Variants in TMEM39A observed in about 807,000 individuals in gnomAD.
TMEM39A encodes suppressor of SQST-1 aggregates in rpl-43 mutants.
Under a neutral mutation model 51.9 loss-of-function variants are expected in TMEM39A, and 19 were observed. The observed-to-expected ratio is 0.37, with a 90% CI of 0.26 to 0.54. The LOEUF (loss-of-function observed/expected upper bound fraction) is 0.54. TMEM39A is among the 20% of genes least tolerant of loss of function. The probability of loss-of-function intolerance (pLI) is 0.88; values close to 1 mark genes in which losing one functional copy is unlikely to be tolerated. For missense variants in TMEM39A, 433 were observed against 590.5 expected, an observed-to-expected ratio of 0.73 and a Z score of 2.76; for synonymous variants, 197 against 220.2, an observed-to-expected ratio of 0.89 and a Z score of 0.93.
At position 119,447,327 on chromosome 3, in the gene TMEM39A, G is replaced by A. The variant is rs78640482; in HGVS notation, c.421-155C>T. On this transcript the variant is annotated intron_variant, in intron 4 of 8. Transcript: ENST00000319172. ...AACTGCCCCATCCCACCTTATCTTCGTAATAATTGAAAATTCAGACTTCTC... is the reference window on the plus strand; with the variant it reads ...AACTGCCCCATCCCACCTTATCTTCATAATAATTGAAAATTCAGACTTCTC... Among the ~76,000 whole-genome samples the A allele has an allele frequency of 8.2e-3, 1,254 of 152,234 alleles. 21 individuals are homozygous for A. The highest frequency in any genetic ancestry group is 0.072 in the South Asian group (346 of 4,824).
intron 4 of TMEM39A, among the ~76,000 whole-genome samples, chr3:119,452,138 C>T (rs1044575331): frequency 2.6e-5 from 4 of 152,238 alleles, no homozygotes; most frequent in Admixed American, 2.0e-4. Context: ...GATAACACTT[C>T]GTATTAATAG....
chr3:119,438,606 C>G (rs2081008147), intron 5 of TMEM39A, among the ~76,000 whole-genome samples: 1 of 152,114 alleles, frequency 6.6e-6, no homozygotes, highest in South Asian at 2.1e-4. Flanking sequence ...CAATAGTATT[C>G]TCATATAGAA....
At chr3:119,455,415 C>T (rs2081251160) in intron 3 of TMEM39A, among the ~76,000 whole-genome samples, 1 of 152,222 alleles carries the variant, frequency 6.6e-6, no homozygotes, top group South Asian at 2.1e-4. Context: ...GATAAGTGAG[C>T]CAATCTACTC....
Position 119,463,339 on chromosome 3 carries a change from T to A in TMEM39A, c.-78A>T, listed in dbSNP as rs1468279502. Reference sequence around the variant, plus strand: ...GGGGCAGCTCAGTAATACTCACGCATGGAAGAGTCCCAGCCGGTGGGGCGG... The same window carrying A: ...GGGGCAGCTCAGTAATACTCACGCAAGGAAGAGTCCCAGCCGGTGGGGCGG... On this transcript the variant is annotated 5_prime_UTR_variant, in exon 1 of 9. It removes an upstream start codon present in the reference 5' UTR. Transcript: ENST00000319172. 1 of 366,930 alleles carries A rather than the reference T, an allele frequency of 2.7e-6. No homozygotes were observed. The highest frequency in any genetic ancestry group is 1.5e-4 in the South Asian group (1 of 6,694). The allele number at this position is 366,930 out of a possible 1,614,324, so 22.7% of individuals were successfully genotyped here.
intron 5 of TMEM39A, among the ~76,000 whole-genome samples, chr3:119,444,723 A>G (rs1203677854): frequency 1.3e-5 from 2 of 152,184 alleles, no homozygotes; most frequent in African/African-American, 2.4e-5. Flanking sequence ...CCTACTTTCC[A>G]GTTTCTATTT....
chr3:119,435,274 A>G, intron 7 of TMEM39A: 3 of 985,448 alleles, frequency 3.0e-6, no homozygotes, highest in Non-Finnish European at 3.6e-6. Flanking sequence ...GCTGATGGTA[A>G]TAAGAATAGT....
At position 119,452,478 on chromosome 3, in the gene TMEM39A, G is replaced by A. The variant is rs138208227; in HGVS notation, c.389C>T (p.Ala130Val). 8 of 1,613,398 alleles carry A rather than the reference G, an allele frequency of 5.0e-6. No homozygotes were observed. The highest frequency in any genetic ancestry group is 4.5e-5 in the East Asian group (2 of 44,848). Reference sequence around the variant, plus strand: ...GATGAGAGCCCATACAAGCCTCCTCGCAAGCATCACTGTGATGAATGCTGC... The same window carrying A: ...GATGAGAGCCCATACAAGCCTCCTCACAAGCATCACTGTGATGAATGCTGC... The part of the protein sequence containing the change: ...HLAAFITVML[A>V]RRLVWALISE... Residue 130 changes from alanine to valine, a missense_variant, in exon 4 of 9, where the codon GCG becomes GTG. By Grantham distance (64) the Ala-to-Val change is moderately conservative. This residue lies in a region of TMEM39A where 170 missense variants were observed against 239.8 expected (regional missense o/e 0.71). Transcript: ENST00000319172.
intron 5 of TMEM39A, among the ~76,000 whole-genome samples, chr3:119,438,614 G>A (rs1483836937): frequency 1.3e-5 from 2 of 152,036 alleles, no homozygotes; most frequent in East Asian, 3.8e-4. Flanking sequence ...TTCTCATATA[G>A]AAATACCATA....
intron 5 of TMEM39A, among the ~76,000 whole-genome samples, chr3:119,446,026 A>ATACTATATACACAT (rs1393910503): frequency 2.6e-5 from 4 of 152,178 alleles, no homozygotes; most frequent in African/African-American, 9.7e-5. Context: ...GTTTTTTCCT[A>ATACTATATACACAT]TACTATATAC....
At chr3:119,442,706 A>T (rs2081071154) in intron 5 of TMEM39A, among the ~76,000 whole-genome samples, 1 of 152,188 alleles carries the variant, frequency 6.6e-6, no homozygotes, top group Non-Finnish European at 1.5e-5. Context: ...GAGAGGTTCA[A>T]GACTTCACTG....
intron 2 of TMEM39A, 37 bp downstream of exon 2, chr3:119,461,925 G>A: frequency 6.7e-7 from 1 of 1,488,614 alleles, no homozygotes; most frequent in Non-Finnish European, 9.3e-7. Flanking sequence ...CTGATCAAAG[G>A]ACATTAAAAT....
At chr3:119,446,268 T>C (rs897897396) in intron 5 of TMEM39A, among the ~76,000 whole-genome samples, 2 of 152,220 alleles carry the variant, frequency 1.3e-5, no homozygotes, top group Non-Finnish European at 2.9e-5. Context: ...ACCTGAATTG[T>C]GAGCATAACT....
chr3:119,451,244 T>C, intron 4 of TMEM39A: 1 of 1,285,594 alleles, frequency 7.8e-7, no homozygotes, highest in Non-Finnish European at 1.0e-6. Flanking sequence ...GGTTTTCAGA[T>C]CTTGACTTAG....
intron 2 of TMEM39A, among the ~76,000 whole-genome samples, chr3:119,461,527 T>A (rs1379757912): frequency 6.6e-6 from 1 of 152,236 alleles, no homozygotes; most frequent in Non-Finnish European, 1.5e-5. Flanking sequence ...CCTGATGGCA[T>A]GGGCTAACCC....
intron 8 of TMEM39A, among the ~76,000 whole-genome samples, chr3:119,433,844 C>A (rs2080931282): frequency 6.6e-6 from 1 of 152,186 alleles, no homozygotes; most frequent in Non-Finnish European, 1.5e-5. Context: ...CCCTGCATTC[C>A]CCTACCATGG....
rs377320960 is a variant in TMEM39A at position 119,438,050 on chromosome 3, A to T, written c.629T>A (p.Leu210His). The T allele has an allele frequency of 1.4e-5, 23 of 1,608,382 alleles. No individual in the cohort carries two copies. Among genetic ancestry groups the T allele is most frequent in the East Asian group, 4.5e-5 (2 of 44,702 alleles). ...CACATAGTTGTAGTCTGTGAGAAGA[A>T]GATGTGCTCTACTATCTTGATGAAA... ...CCFHQDSRAH[L>H]LLTDYNYVVQ... The change falls in exon 6 of 9, where the codon CTT (leucine) becomes CAT (histidine). Residue 210 changes from leucine to histidine, a missense_variant. This residue lies in a region of TMEM39A where 40 missense variants were observed against 22.6 expected (regional missense o/e 1.77). Transcript: ENST00000319172.
At chr3:119,438,188 G>A in intron 5 of TMEM39A, 85 bp from the exon 6 acceptor site, 1 of 1,085,444 alleles carries the variant, frequency 9.2e-7, no homozygotes, top group Admixed American at 2.7e-5. Context: ...TTATAACTTA[G>A]GTCAATAAAA....
rs1465677204 is a variant in TMEM39A, at chr3:119,458,194, T to C, written c.160A>G (p.Ile54Val). 1 of 1,614,124 alleles carries C rather than the reference T, an allele frequency of 6.2e-7. No individual in the cohort carries two copies. The highest frequency in any genetic ancestry group is 2.2e-5 in the East Asian group (1 of 44,880). The change falls in exon 3 of 9, where the codon ATC becomes GTC. Residue 54 changes from isoleucine (I) to valine (V), a missense_variant. Ile to Val is a conservative substitution (Grantham distance 29). Around this residue, in one of 3 missense-constraint regions of TMEM39A, gnomAD observed 170 missense variants for 239.8 expected, o/e 0.71. Transcript: ENST00000319172. Reference protein sequence around the residue: ...GLPVPPITALITPGPVRHCQI... With the variant: ...GLPVPPITALVTPGPVRHCQI... ...CAATGACGAACAGGACCTGGGGTGA[T>C]TAAGGCTGTGATAGGTGGGACTGGA... is the stretch of plus-strand genomic sequence containing the variant.
At position 119,429,152 on chromosome 3, in the gene TMEM39A, G is replaced by A. The variant is rs1239845613; in HGVS notation, c.*2829C>T. Among the ~76,000 whole-genome samples, 1 of 151,636 alleles carries A rather than the reference G, an allele frequency of 6.6e-6. No individual in the cohort carries two copies. The highest frequency in any genetic ancestry group is 1.5e-5 in the Non-Finnish European group (1 of 67,890). Reference sequence around the variant, plus strand: ...ACCCAGCAGTGTTTGGCATATAATTGCCCAGTACATAGAAATGAGATGCCT... The same window carrying A: ...ACCCAGCAGTGTTTGGCATATAATTACCCAGTACATAGAAATGAGATGCCT... On this transcript the variant is annotated 3_prime_UTR_variant, in exon 9 of 9. Coordinates refer to ENST00000319172, the MANE Select transcript of TMEM39A (RefSeq NM_018266.3).
Sources: gnomAD v4.1 joint callset for allele counts (sites outside exome capture counted in the v4.1 genomes callset) on GRCh38, gnomAD v4.1.1 for gene constraint, gnomAD v4.1.1 regional missense constraint, MANE v1.5 for transcripts, NCBI Gene and HGNC (gene_info 2026-07-23, HGNC 2026-07-21) for gene names.